The following DLG2 variants were observed in gnomAD, a reference collection of about 807,000 sequenced individuals.
DLG2 encodes the protein disks large homolog 2.
A neutral mutation model predicts 132.5 loss-of-function variants in DLG2; 45 were observed. That is an observed-to-expected ratio of 0.34 (90% CI 0.27 to 0.44). The LOEUF (loss-of-function observed/expected upper bound fraction) is 0.44. Ranked by LOEUF, DLG2 falls within the 20% of genes least tolerant of loss-of-function variation. The pLI is 1.00. For synonymous variants in DLG2, 424 were observed against 419.6 expected, an observed-to-expected ratio of 1.01 and a Z score of -0.13; for missense variants, 1,045 against 1,196.9, an observed-to-expected ratio of 0.87 and a Z score of 1.87.
Position 83,995,073 on chromosome 11 carries a change from T to C in DLG2, c.920-14431A>G, listed in dbSNP as rs564666089. On this transcript the variant is annotated intron_variant, in intron 11 of 27. Coordinates refer to ENST00000376104, the MANE Select transcript of DLG2 (RefSeq NM_001142699.3). ...ACTTGACCGTTAGCAAAGACCTTAG[T>C]TCCAAATAAGGTCATATACATAGGA... Among the ~76,000 whole-genome samples the C allele has an allele frequency of 2.6e-5, 4 of 151,858 alleles. No individual in the cohort carries two copies. In the South Asian group the frequency reaches 8.3e-4, roughly 32 times the overall value.
intron 6 of DLG2, among the ~76,000 whole-genome samples, chr11:84,694,441 T>C (rs146470755): frequency 5.9e-5 from 9 of 151,762 alleles, no homozygotes; most frequent in African/African-American, 1.9e-4. Flanking sequence ...TTCCTAAGCA[T>C]TTCCACCTTA....
At chr11:85,048,058 A>G (rs2062525330) in intron 6 of DLG2, among the ~76,000 whole-genome samples, 1 of 151,982 alleles carries the variant, frequency 6.6e-6, no homozygotes, top group African/African-American at 2.4e-5. Context: ...TTTACTAAAG[A>G]TAATTTTCTC....
chr11:85,021,409 A>G (rs1371699929), intron 6 of DLG2: 11 of 1,381,584 alleles, frequency 8.0e-6, no homozygotes, highest in Non-Finnish European at 1.1e-5. Flanking sequence ...AGCCAGGTTA[A>G]TATCTAAAAC....
At chr11:83,785,297 G>A (rs1026749051) in intron 18 of DLG2, among the ~76,000 whole-genome samples, 1 of 152,006 alleles carries the variant, frequency 6.6e-6, no homozygotes, top group Non-Finnish European at 1.5e-5. Context: ...CTCCTGATCC[G>A]CCCGTCTCAG....
At chr11:83,489,429 C>CAGTT (rs953476710) in intron 21 of DLG2, among the ~76,000 whole-genome samples, 19 of 151,886 alleles carry the variant, frequency 1.3e-4, no homozygotes, top group African/African-American at 4.3e-4. Context: ...AAGGATCAAC[C>CAGTT]AGTTACAATG....
At chr11:84,352,268 C>T (rs1810822232) in intron 7 of DLG2, among the ~76,000 whole-genome samples, 1 of 152,090 alleles carries the variant, frequency 6.6e-6, no homozygotes, top group Admixed American at 6.5e-5. Flanking sequence ...CACATTCTGG[C>T]TCATGAACCT....
intron 7 of DLG2, among the ~76,000 whole-genome samples, chr11:84,299,978 A>G (rs1599384797): frequency 6.6e-6 from 1 of 152,220 alleles, no homozygotes; most frequent in South Asian, 2.1e-4. Context: ...AATCAGCAGT[A>G]TAAGAACAAC....
intron 7 of DLG2, among the ~76,000 whole-genome samples, chr11:84,451,431 T>A (rs909895542): frequency 6.6e-6 from 1 of 151,902 alleles, no homozygotes; most frequent in Non-Finnish European, 1.5e-5. Flanking sequence ...TAATTCATTG[T>A]TTGCCCTTGG....
At chr11:83,882,450 A>C (rs2066543985) in intron 15 of DLG2, among the ~76,000 whole-genome samples, 2 of 150,230 alleles carry the variant, frequency 1.3e-5, no homozygotes, top group Non-Finnish European at 3.0e-5. Context: ...AAAAACATTA[A>C]ATCAAATTTA....
At chr11:84,218,327 GAAGGA>G (rs1449574952) in intron 8 of DLG2, among the ~76,000 whole-genome samples, 1 of 137,858 alleles carries the variant, frequency 7.3e-6, no homozygotes, top group African/African-American at 2.6e-5. Flanking sequence ...GAAAGAAAGA[GAAGGA>G]AAGAAGGGAA....
At chr11:83,832,474 G>A (rs1278771801) in intron 17 of DLG2, among the ~76,000 whole-genome samples, 1 of 152,124 alleles carries the variant, frequency 6.6e-6, no homozygotes, top group Non-Finnish European at 1.5e-5. Flanking sequence ...TGCCACTGGA[G>A]GCTATTATCC....
intron 7 of DLG2, among the ~76,000 whole-genome samples, chr11:84,283,946 A>G (rs1219256216): frequency 6.6e-6 from 1 of 152,208 alleles, no homozygotes; most frequent in Non-Finnish European, 1.5e-5. Context: ...TAAAAACAAA[A>G]AAACAAAAAA....
At chr11:84,431,660 T>C (rs2098985066) in intron 7 of DLG2, among the ~76,000 whole-genome samples, 2 of 152,144 alleles carry the variant, frequency 1.3e-5, no homozygotes, top group South Asian at 4.1e-4. Context: ...CATATAATAC[T>C]CTGTATGAAA....
intron 3 of DLG2, among the ~76,000 whole-genome samples, chr11:85,580,203 T>C (rs868649286): frequency 2.0e-5 from 3 of 152,212 alleles, no homozygotes; most frequent in Middle Eastern, 3.4e-3. Flanking sequence ...GAACTGTAAG[T>C]CCATTAAACC....
intron 4 of DLG2, among the ~76,000 whole-genome samples, chr11:85,216,772 C>T (rs1471562671): frequency 3.3e-5 from 5 of 152,112 alleles, no homozygotes; most frequent in African/African-American, 7.2e-5. Context: ...TCTTGGCTCA[C>T]GGCAACCTCC....
At chr11:85,032,426 T>A (rs931017870) in intron 6 of DLG2, among the ~76,000 whole-genome samples, 1 of 152,188 alleles carries the variant, frequency 6.6e-6, no homozygotes, top group Non-Finnish European at 1.5e-5. Context: ...ATTTGAAATA[T>A]CCTGTTTGAG....
At chr11:84,359,355 T>A (rs1159664794) in intron 7 of DLG2, among the ~76,000 whole-genome samples, 1 of 151,898 alleles carries the variant, frequency 6.6e-6, no homozygotes, top group Non-Finnish European at 1.5e-5. Flanking sequence ...ACCCCATCTC[T>A]GCTAGACGAA....
chr11:85,547,407 G>T (rs1468538113), intron 3 of DLG2, among the ~76,000 whole-genome samples: 1 of 152,102 alleles, frequency 6.6e-6, no homozygotes, highest in Non-Finnish European at 1.5e-5. Flanking sequence ...CTTTCTCTCT[G>T]GCTGCTCTTA....
chr11:84,813,325 T>C (rs1286232586), intron 6 of DLG2, among the ~76,000 whole-genome samples: 1 of 152,046 alleles, frequency 6.6e-6, no homozygotes, highest in Non-Finnish European at 1.5e-5. Context: ...AGATCCATTA[T>C]AATGAACCTT....
Sources: allele counts gnomAD v4.1 joint callset (sites outside exome capture counted in the v4.1 genomes callset), GRCh38; gene constraint gnomAD v4.1.1; transcripts MANE v1.5; gene names NCBI Gene and HGNC (gene_info 2026-07-23, HGNC 2026-07-21).